TLK2: variants seen among roughly 807,000 people sequenced by gnomAD.
The protein encoded by TLK2 is tousled like kinase 2.
In TLK2, 6 loss-of-function variants were observed where a neutral mutation model predicts 117.3. The ratio of observed to expected loss-of-function variants is 0.05; its 90% CI spans 0.03 to 0.10. The LOEUF (loss-of-function observed/expected upper bound fraction) is 0.10, where lower values mean the gene tolerates loss of function less well. TLK2 is among the 10% of genes least tolerant of loss of function. The pLI is 1.00. For synonymous variants in TLK2, 257 were observed against 316.7 expected (o/e 0.81, Z 2.00); for missense variants, 299 against 901.2 (o/e 0.33, Z 8.56).
In TLK2 at chr17:62,523,586, A is replaced by G. The variant is rs1390412508; in HGVS notation, c.267+409A>G. On this transcript the variant is annotated intron_variant, in intron 5 of 21. Coordinates refer to ENST00000346027, the MANE Select transcript of TLK2 (RefSeq NM_006852.6). ...GAGACCCTGTCTCCAAAAAAAAGAA[A>G]GAAAGAAAGAAAGTAATGTTTTGCC... 3.3e-5 allele frequency among the ~76,000 whole-genome samples: 5 copies of G among 152,308 alleles called. No homozygotes were observed. The South Asian group carries it at 1.0e-3, about 32-fold the overall frequency.
At chr17:62,601,896 A>C in intron 18 of TLK2, 146 bp from the exon 19 acceptor site, 2 of 650,504 alleles carry the variant, frequency 3.1e-6, no homozygotes, top group Non-Finnish European at 5.0e-6. Flanking sequence ...GAGTATCCAG[A>C]GTCCAGATTG....
intron 7 of TLK2, among the ~76,000 whole-genome samples, chr17:62,543,682 G>A (rs746099530): frequency 2.1e-4 from 32 of 152,222 alleles, no homozygotes; most frequent in Non-Finnish European, 3.5e-4. Flanking sequence ...TTTAAATTGT[G>A]TTGCCTTTAT....
At chr17:62,514,934 A>G (rs34974529) in intron 2 of TLK2, among the ~76,000 whole-genome samples, 69,091 of 152,060 alleles carry the variant, frequency 0.45, 17,568 homozygotes, top group East Asian at 0.71. Context: ...ACAGTTCAGT[A>G]GTAAATACAT....
intron 11 of TLK2, 24 bp from the exon 12 acceptor site, chr17:62,573,191 G>A (rs1261452163): frequency 2.5e-6 from 4 of 1,597,980 alleles, no homozygotes; most frequent in African/African-American, 2.7e-5. Flanking sequence ...TTCTTTCTTT[G>A]TACAACGTCT....
intron 11 of TLK2, among the ~76,000 whole-genome samples, chr17:62,571,489 T>C (rs1041746761): frequency 2.0e-5 from 3 of 152,096 alleles, no homozygotes; most frequent in African/African-American, 4.8e-5. Context: ...GCCATCCTTA[T>C]ATGTGTTCTG....
intron 15 of TLK2, among the ~76,000 whole-genome samples, chr17:62,584,292 A>G (rs2081446522): frequency 6.6e-6 from 1 of 150,748 alleles, no homozygotes; most frequent in African/African-American, 2.4e-5. Flanking sequence ...AATTTTTTGT[A>G]TATTTTTTAG....
In TLK2 at chr17:62,606,254, G is replaced by C; in HGVS notation, c.1971+13G>C. The C allele has an allele frequency of 2.0e-6, 3 of 1,536,214 alleles. No individual in the cohort carries two copies. Among genetic ancestry groups the C allele is most frequent in the Non-Finnish European group, 2.7e-6 (3 of 1,120,846 alleles). ...TTATGGAAGGAAGGTAAGTTAGAAGGTTGATGGAGAAGCTTGATCTCTTTC... is the reference window on the plus strand; with the variant it reads ...TTATGGAAGGAAGGTAAGTTAGAAGCTTGATGGAGAAGCTTGATCTCTTTC... On this transcript the variant is annotated intron_variant, in intron 20 of 21. Transcript: ENST00000346027.
At position 62,549,412 on chromosome 17, in the gene TLK2, A is replaced by G. The variant is rs1567897942; in HGVS notation, c.532-2890A>G. 2.0e-4 allele frequency among the ~76,000 whole-genome samples: 5 copies of G among 24,712 alleles called. No homozygotes were observed. The East Asian group carries it at 4.7e-3, about 23-fold the overall frequency. The allele number at this position is 24,712 out of a possible 152,430, so 16.2% of individuals were successfully genotyped here. A position where few individuals can be genotyped will look rare whatever the true frequency, so the allele number is the denominator to read the frequency against. ...AGACTCCATCTCAAAAAAAAAAAAAAAAAAAAAAAAAAAAAAAAAAAAAAA... is the reference window on the plus strand; with the variant it reads ...AGACTCCATCTCAAAAAAAAAAAAAGAAAAAAAAAAAAAAAAAAAAAAAAA... On this transcript the variant is annotated intron_variant, in intron 7 of 21. Transcript: ENST00000346027.
chr17:62,484,518 G>A (rs549229713), intron 2 of TLK2, among the ~76,000 whole-genome samples: 6 of 150,950 alleles, frequency 4.0e-5, no homozygotes, highest in South Asian at 4.2e-4. Context: ...GGCTGGTCTC[G>A]AAATCCTGAC....
chr17:62,573,445 G>T, intron 12 of TLK2, 78 bp downstream of exon 12: 2 of 1,556,948 alleles, frequency 1.3e-6, no homozygotes, highest in South Asian at 2.4e-5. Flanking sequence ...ACCGGCAATA[G>T]TTTTAAATTC....
intron 2 of TLK2, among the ~76,000 whole-genome samples, chr17:62,516,058 G>A (rs1042173775): frequency 1.3e-5 from 2 of 152,008 alleles, no homozygotes; most frequent in Non-Finnish European, 2.9e-5. Flanking sequence ...CCAAGTAGCT[G>A]GAATTACAGG....
chr17:62,594,363 G>A (rs1017966530), intron 16 of TLK2, among the ~76,000 whole-genome samples: 7 of 152,082 alleles, frequency 4.6e-5, no homozygotes, highest in African/African-American at 1.4e-4. Flanking sequence ...AGCTGTGATC[G>A]CGCCACTGCA....
At chr17:62,586,810 G>A (rs1241132327) in intron 16 of TLK2, among the ~76,000 whole-genome samples, 2 of 147,216 alleles carry the variant, frequency 1.4e-5, no homozygotes, top group East Asian at 4.1e-4. Context: ...GATGGTGCGA[G>A]TGCGAGACTG....
intron 2 of TLK2, among the ~76,000 whole-genome samples, chr17:62,481,821 T>C (rs2071686434): frequency 6.6e-6 from 1 of 152,194 alleles, no homozygotes; most frequent in Admixed American, 6.5e-5. Flanking sequence ...CATAGGATGA[T>C]TTTACAATGT....
In TLK2 at chr17:62,568,648, A is replaced by T. The variant is rs140675844; in HGVS notation, c.968+3511A>T. Among the ~76,000 whole-genome samples the T allele has an allele frequency of 1.0e-3, 157 of 151,842 alleles. 1 individual carries two copies. The highest frequency in any genetic ancestry group is 3.5e-3 in the African/African-American group (147 of 41,460). ...TGCCCAGGCTGCAGTGCAGTGGTGC[A>T]ATCTCGGCTCACTGCAACCTCTGCC... On this transcript the variant is annotated intron_variant, in intron 11 of 21. Transcript: ENST00000346027.
chr17:62,517,425 C>T (rs1426529136), intron 2 of TLK2, among the ~76,000 whole-genome samples: 6 of 152,090 alleles, frequency 3.9e-5, no homozygotes, highest in Admixed American at 6.5e-5. Context: ...GACGGAGTCT[C>T]GCTCTGTTGC....
At chr17:62,558,251 C>A (rs2079007452) in intron 9 of TLK2, among the ~76,000 whole-genome samples, 1 of 151,940 alleles carries the variant, frequency 6.6e-6, no homozygotes, top group Admixed American at 6.6e-5. Flanking sequence ...CTCACTGCAG[C>A]CTCGACCTCC....
intron 2 of TLK2, chr17:62,508,259 C>A (rs1218446288): frequency 4.9e-6 from 1 of 202,886 alleles, no homozygotes; most frequent in Non-Finnish European, 8.6e-6. Flanking sequence ...AGCATTCTCC[C>A]AGATAGCTAT....
At chr17:62,546,735 T>G (rs1285885101) in intron 7 of TLK2, among the ~76,000 whole-genome samples, 1 of 151,688 alleles carries the variant, frequency 6.6e-6, no homozygotes, top group Admixed American at 6.6e-5. Flanking sequence ...TTTAAAAATA[T>G]TTTTAGTAGA....
Sources: gnomAD v4.1 joint callset for allele counts (sites outside exome capture counted in the v4.1 genomes callset) on GRCh38, gnomAD v4.1.1 for gene constraint, MANE v1.5 for transcripts, NCBI Gene and HGNC (gene_info 2026-07-23, HGNC 2026-07-21) for gene names.